BNC2: variants seen among roughly 807,000 people sequenced by gnomAD.
BNC2 encodes basonuclin zinc finger protein 2.
BNC2 carries 20 observed loss-of-function variants against 76.3 expected under a neutral mutation model. The observed-to-expected ratio is 0.26, with a 90% CI of 0.18 to 0.38. The LOEUF is 0.38. Ranked by LOEUF, BNC2 falls within the 10% of genes least tolerant of loss-of-function variation. BNC2 has a pLI of 1.00. For missense variants in BNC2, 1,382 were observed against 1,399.8 expected, an observed-to-expected ratio of 0.99 and a Z score of 0.20; for synonymous variants, 582 against 514.8, an observed-to-expected ratio of 1.13 and a Z score of -1.77.
chr9:16,781,907 G>A (rs1307833376), intron 1 of BNC2, among the ~76,000 whole-genome samples: 1 of 151,950 alleles, frequency 6.6e-6, no homozygotes, highest in Non-Finnish European at 1.5e-5. Flanking sequence ...TAAAACCAAA[G>A]ATGGAAAGGA....
intron 5 of BNC2, among the ~76,000 whole-genome samples, chr9:16,518,185 T>C (rs946877627): frequency 6.6e-6 from 1 of 152,176 alleles, no homozygotes; most frequent in Non-Finnish European, 1.5e-5. Flanking sequence ...TCCTAGTACT[T>C]TGGGAGGCCA....
intron 3 of BNC2, among the ~76,000 whole-genome samples, chr9:16,599,626 A>T (rs970089828): frequency 1.3e-5 from 2 of 152,162 alleles, no homozygotes; most frequent in Non-Finnish European, 2.9e-5. Flanking sequence ...TCTATTAAAA[A>T]TACAAAAATA....
chr9:16,701,710 G>A (rs1823518567), intron 3 of BNC2, among the ~76,000 whole-genome samples: 1 of 152,058 alleles, frequency 6.6e-6, no homozygotes, highest in Non-Finnish European at 1.5e-5. Flanking sequence ...GGAAGGCTGA[G>A]GGGGGCAGAT....
chr9:16,421,144 C>A, intron 6 of BNC2: 1 of 474,068 alleles, frequency 2.1e-6, no homozygotes, highest in Non-Finnish European at 3.2e-6. Context: ...GCCTCAGAGA[C>A]AAGAAAGGTG....
intron 3 of BNC2, among the ~76,000 whole-genome samples, chr9:16,601,314 C>T (rs1820237782): frequency 6.6e-6 from 1 of 152,116 alleles, no homozygotes; most frequent in African/African-American, 2.4e-5. Flanking sequence ...ACCTCGGGCA[C>T]CTCATTTGGC....
intron 1 of BNC2, among the ~76,000 whole-genome samples, chr9:16,780,117 T>C (rs949982941): frequency 6.7e-6 from 1 of 150,178 alleles, no homozygotes; most frequent in East Asian, 2.0e-4. Flanking sequence ...GTGCCTGTAG[T>C]CCCAGCTACT....
At chr9:16,794,245 T>C (rs1397517304) in intron 1 of BNC2, among the ~76,000 whole-genome samples, 1 of 152,140 alleles carries the variant, frequency 6.6e-6, no homozygotes, top group Non-Finnish European at 1.5e-5. Context: ...AAACTCTCAC[T>C]ACCGTCCCCC....
intron 3 of BNC2, among the ~76,000 whole-genome samples, chr9:16,589,168 T>C (rs1033896354): frequency 3.9e-5 from 6 of 152,048 alleles, no homozygotes; most frequent in African/African-American, 9.7e-5. Context: ...CAATCTCCCA[T>C]ACATAACTAA....
At chr9:16,635,572 G>A (rs1220780869) in intron 3 of BNC2, among the ~76,000 whole-genome samples, 1 of 152,162 alleles carries the variant, frequency 6.6e-6, no homozygotes, top group Non-Finnish European at 1.5e-5. Context: ...AAAAATAATT[G>A]TGATTAGGAC....
chr9:16,722,715 T>C (rs1244847632), intron 3 of BNC2, among the ~76,000 whole-genome samples: 1 of 152,212 alleles, frequency 6.6e-6, no homozygotes, highest in Non-Finnish European at 1.5e-5. Context: ...ATTTTTAACA[T>C]ATACAAAATA....
At chr9:16,693,127 C>CAAAA (rs34223075) in intron 3 of BNC2, among the ~76,000 whole-genome samples, 30 of 60,318 alleles carry the variant, frequency 5.0e-4, no homozygotes, top group Admixed American at 1.7e-3. Flanking sequence ...AAGACAGTCT[C>CAAAA]AAAAAAAAAA....
chr9:16,412,720 GGAGA>G lies in BNC2; in HGVS notation c.*6265_*6268del, dbSNP rs58174243. 2,456 of 119,758 alleles carry G rather than the reference GGAGA, an allele frequency of 0.021. 31 individuals are homozygous for G. Among genetic ancestry groups the G allele is most frequent in the Admixed American group, 0.025 (281 of 11,152 alleles). The allele number at this position is 119,758 out of a possible 1,614,324, so 7.4% of individuals were successfully genotyped here. On this transcript the variant is annotated 3_prime_UTR_variant, in exon 7 of 7. Transcript: ENST00000380672. ...AATAAGAGGGAAGGAGAGAGAGAGG[GGAGA>G]GAGAGAGAGAGAGAGAGAGAGAGAG...
intron 3 of BNC2, among the ~76,000 whole-genome samples, chr9:16,615,971 T>G (rs1161444078): frequency 1.3e-5 from 2 of 152,152 alleles, no homozygotes; most frequent in Non-Finnish European, 2.9e-5. Context: ...AAAGTGGAAT[T>G]CAAAACCAAG....
intron 1 of BNC2, among the ~76,000 whole-genome samples, chr9:16,791,103 C>A (rs994002362): frequency 3.3e-5 from 5 of 151,928 alleles, no homozygotes; most frequent in Non-Finnish European, 7.4e-5. Flanking sequence ...ACACTGTCGC[C>A]CAGGCTAGAG....
At chr9:16,630,843 G>A (rs367807006) in intron 3 of BNC2, among the ~76,000 whole-genome samples, 5 of 150,296 alleles carry the variant, frequency 3.3e-5, no homozygotes, top group East Asian at 3.9e-4. Context: ...GGGTTCAAGC[G>A]ATTCTCCTGC....
intron 1 of BNC2, among the ~76,000 whole-genome samples, chr9:16,843,876 T>C (rs1041516390): frequency 1.1e-4 from 16 of 152,220 alleles, no homozygotes; most frequent in African/African-American, 3.9e-4. Context: ...TTCTTCCAAG[T>C]CAAAATGCCA....
intron 6 of BNC2, among the ~76,000 whole-genome samples, chr9:16,428,242 G>A (rs1006169476): frequency 1.3e-5 from 2 of 152,082 alleles, no homozygotes; most frequent in Non-Finnish European, 2.9e-5. Flanking sequence ...ACACAATTAC[G>A]AGTGAGCGAA....
chr9:16,464,096 A>G (rs903611209), intron 5 of BNC2, among the ~76,000 whole-genome samples: 4 of 131,892 alleles, frequency 3.0e-5, no homozygotes, highest in African/African-American at 7.4e-5. Flanking sequence ...CCTGTCTCCA[A>G]AAAAAAAAAA....
At position 16,712,983 on chromosome 9, in the gene BNC2, G is replaced by A. The variant is rs142065717; in HGVS notation, c.330+14814C>T. Among the ~76,000 whole-genome samples the A allele has an allele frequency of 9.0e-4, 137 of 152,282 alleles. 1 individual carries two copies. Among genetic ancestry groups the A allele is most frequent in the Admixed American group, 4.8e-3 (73 of 15,298 alleles). ...ACTAGGAGGCTCCAAAAGGGTAGGC[G>A]TTTCACATTCAGGAAATGGGGAATT... On this transcript the variant is annotated intron_variant, in intron 3 of 6. Transcript: ENST00000380672.
Sources: gnomAD v4.1 joint callset for allele counts (sites outside exome capture counted in the v4.1 genomes callset) on GRCh38, gnomAD v4.1.1 for gene constraint, MANE v1.5 for transcripts, NCBI Gene and HGNC (gene_info 2026-07-23, HGNC 2026-07-21) for gene names.